Variants in FHIP1A observed in about 807,000 individuals in gnomAD.
FHIP1A encodes FHF complex subunit HOOK interacting protein 1A, also known as FHF complex subunit HOOK-interacting protein 1A.
A neutral mutation model predicts 88.6 loss-of-function variants in FHIP1A; 61 were observed. The observed-to-expected ratio is 0.69, with a 90% CI of 0.56 to 0.85. FHIP1A has a LOEUF of 0.85. Ranked by LOEUF, FHIP1A falls within the 40% of genes least tolerant of loss-of-function variation. The probability of loss-of-function intolerance (pLI) is 0.00; values close to 1 mark genes in which losing one functional copy is unlikely to be tolerated. For missense variants in FHIP1A, 1,154 were observed against 1,273.5 expected, an observed-to-expected ratio of 0.91 and a Z score of 1.43; for synonymous variants, 478 against 496.0, an observed-to-expected ratio of 0.96 and a Z score of 0.48.
chr4:151,594,440 T>C (rs1286509402), intron 7 of FHIP1A, among the ~76,000 whole-genome samples: 1 of 152,198 alleles, frequency 6.6e-6, no homozygotes, highest in Non-Finnish European at 1.5e-5. Context: ...GACTACTTCC[T>C]GATTTAGTCT....
rs549836121 is a variant in FHIP1A, at chr4:151,447,561, A to G, written c.-355-7140A>G. The stretch of plus-strand genomic sequence containing the variant: ...TCACCCTCTGCCCACTATCATTTAT[A>G]TTGTTTATTTTTAAAAAATTGTAGT... On this transcript the variant is annotated intron_variant, in intron 1 of 13. Coordinates refer to ENST00000435205, the MANE Select transcript of FHIP1A (RefSeq NM_001109977.3). 3.0e-3 allele frequency among the ~76,000 whole-genome samples: 459 copies of G among 152,164 alleles called. 2 individuals carry two copies. Among genetic ancestry groups the G allele is most frequent in the African/African-American group, 0.011 (446 of 41,528 alleles).
chr4:151,646,376 TG>T (rs1278470479), intron 9 of FHIP1A, among the ~76,000 whole-genome samples, 181 bp from the exon 10 acceptor site: 1 of 152,214 alleles, frequency 6.6e-6, no homozygotes, highest in African/African-American at 2.4e-5. Context: ...GCAAAGAGGT[TG>T]TTCTTTCAGA....
At chr4:151,566,866 A>G (rs2126772911) in intron 4 of FHIP1A, among the ~76,000 whole-genome samples, 1 of 152,260 alleles carries the variant, frequency 6.6e-6, no homozygotes, top group East Asian at 1.9e-4. Context: ...GGGAATAGAA[A>G]ATTACCGAGG....
chr4:151,644,766 C>T (rs1184220842), intron 9 of FHIP1A, among the ~76,000 whole-genome samples: 1 of 152,154 alleles, frequency 6.6e-6, no homozygotes, highest in East Asian at 1.9e-4. Flanking sequence ...TGCTGCCTTC[C>T]CTTCCCACCC....
At chr4:151,478,887 G>A (rs979334120) in intron 2 of FHIP1A, among the ~76,000 whole-genome samples, 1 of 151,928 alleles carries the variant, frequency 6.6e-6, no homozygotes, top group Non-Finnish European at 1.5e-5. Context: ...AGTATTCTTG[G>A]TGTATTTCTA....
At chr4:151,553,819 T>C (rs1732840307) in intron 3 of FHIP1A, among the ~76,000 whole-genome samples, 1 of 152,196 alleles carries the variant, frequency 6.6e-6, no homozygotes, top group Non-Finnish European at 1.5e-5. Context: ...TGACCTTATG[T>C]CCAAGCAAAC....
Position 151,656,193 on chromosome 4 carries a change from G to C in FHIP1A, c.2552-39G>C. Reference sequence around the variant, plus strand: ...AATTGTCAGGGAAAGGCATCCCTGTGAGCCCAGCCAGCCCTGAAGCCTTGT... The same window carrying C: ...AATTGTCAGGGAAAGGCATCCCTGTCAGCCCAGCCAGCCCTGAAGCCTTGT... On this transcript the variant is annotated intron_variant, in intron 11 of 13. Transcript: ENST00000435205. This position sits in a 1 kb window ranked among gnomAD's most constrained non-coding sequence, Gnocchi z 4.2. 6.6e-7 allele frequency: 1 copy of C among 1,524,404 alleles called. No homozygotes were observed. 94.4% of individuals were successfully genotyped at this position (1,524,404 alleles called of 1,614,324 possible).
chr4:151,487,190 T>G (rs1730118662), intron 3 of FHIP1A, among the ~76,000 whole-genome samples: 1 of 152,166 alleles, frequency 6.6e-6, no homozygotes, highest in South Asian at 2.1e-4. Context: ...TTTCTTATCT[T>G]TAAGCCTGTT....
intron 1 of FHIP1A, among the ~76,000 whole-genome samples, chr4:151,443,053 T>G (rs1011402358): frequency 1.3e-5 from 2 of 152,120 alleles, no homozygotes; most frequent in South Asian, 4.1e-4. Flanking sequence ...CAGCTCCTGC[T>G]TGAGGCCAGG....
chr4:151,607,392 C>T (rs1027289340), intron 7 of FHIP1A, among the ~76,000 whole-genome samples: 1 of 152,182 alleles, frequency 6.6e-6, no homozygotes, highest in African/African-American at 2.4e-5. Context: ...TCATATTAAG[C>T]AGGCCAGTTT....
intron 5 of FHIP1A, among the ~76,000 whole-genome samples, chr4:151,579,616 A>G (rs955245899): frequency 1.3e-5 from 2 of 152,196 alleles, no homozygotes; most frequent in African/African-American, 2.4e-5. Context: ...AAGCAACATA[A>G]TCATAAGATA....
chr4:151,447,760 A>T (rs1457699196), intron 1 of FHIP1A, among the ~76,000 whole-genome samples: 1 of 152,168 alleles, frequency 6.6e-6, no homozygotes, highest in East Asian at 1.9e-4. Flanking sequence ...TGGTATCCTT[A>T]TAAGAAGAGG....
At chr4:151,564,690 A>G (rs1357831261) in intron 3 of FHIP1A, among the ~76,000 whole-genome samples, 1 of 152,218 alleles carries the variant, frequency 6.6e-6, no homozygotes, top group Non-Finnish European at 1.5e-5. Flanking sequence ...CTGTAGAAGA[A>G]ACACACAGGC....
At chr4:151,606,249 G>A (rs1327444967) in intron 7 of FHIP1A, among the ~76,000 whole-genome samples, 3 of 152,164 alleles carry the variant, frequency 2.0e-5, no homozygotes, top group Non-Finnish European at 4.4e-5. Flanking sequence ...CAGACTTCCC[G>A]TTGGATTTTT....
In FHIP1A at chr4:151,426,897, C is replaced by T. The variant is rs553510710; in HGVS notation, c.-356+17432C>T. Among the ~76,000 whole-genome samples the T allele has an allele frequency of 2.2e-4, 34 of 152,278 alleles. 1 individual carries two copies. In the South Asian group the frequency reaches 6.2e-3, roughly 28 times the overall value. ...AATGAGAGTTTTTGTGATTTCCCCTCCTCACTCCTGTGCTAGAAAGGTTTC... is the reference window on the plus strand; with the variant it reads ...AATGAGAGTTTTTGTGATTTCCCCTTCTCACTCCTGTGCTAGAAAGGTTTC... On this transcript the variant is annotated intron_variant, in intron 1 of 13. Transcript: ENST00000435205.
At chr4:151,658,029 G>A (rs933969474) in intron 13 of FHIP1A, among the ~76,000 whole-genome samples, 1 of 152,186 alleles carries the variant, frequency 6.6e-6, no homozygotes, top group Non-Finnish European at 1.5e-5. Flanking sequence ...TGAAAGAAAG[G>A]TAGGCCATGT....
At position 151,456,256 on chromosome 4, in the gene FHIP1A, A is replaced by G. The variant is rs79833568; in HGVS notation, c.-248+1448A>G. Among the ~76,000 whole-genome samples the G allele has an allele frequency of 6.7e-3, 1,021 of 152,334 alleles. 12 individuals are homozygous for G. The highest frequency in any genetic ancestry group is 0.024 in the African/African-American group (992 of 41,588). On this transcript the variant is annotated intron_variant, in intron 2 of 13. Coordinates refer to ENST00000435205, the MANE Select transcript of FHIP1A (RefSeq NM_001109977.3). ...TTGAAAAGGTTCTTTTTAAAATAAC[A>G]TCAGCTTTCAGTACTCTAAAATGAA...
intron 3 of FHIP1A, among the ~76,000 whole-genome samples, chr4:151,508,760 G>A (rs1181332966): frequency 2.0e-5 from 3 of 152,162 alleles, no homozygotes; most frequent in Non-Finnish European, 4.4e-5. Flanking sequence ...TCTTGGGATT[G>A]ACTTGACCCT....
intron 3 of FHIP1A, among the ~76,000 whole-genome samples, chr4:151,538,378 A>G (rs28535678): frequency 0.043 from 6,593 of 152,242 alleles, 499 homozygotes; most frequent in African/African-American, 0.15. Context: ...AGTTGTTAAC[A>G]TTTTTATTAT....
Sources: gnomAD v4.1 joint callset for allele counts (sites outside exome capture counted in the v4.1 genomes callset) on GRCh38, gnomAD v4.1.1 for gene constraint, Gnocchi (gnomAD v3.1) non-coding constraint, MANE v1.5 for transcripts, NCBI Gene and HGNC (gene_info 2026-07-23, HGNC 2026-07-21) for gene names.